Variants in SNCAIP observed in about 807,000 individuals in gnomAD.
SNCAIP encodes synuclein alpha interacting protein.
A neutral mutation model predicts 86.7 loss-of-function variants in SNCAIP; 43 were observed. That is an observed-to-expected ratio of 0.50 (90% CI 0.39 to 0.64). SNCAIP has a LOEUF of 0.64. Ranked by LOEUF, SNCAIP falls within the 30% of genes least tolerant of loss-of-function variation. The probability of loss-of-function intolerance (pLI) is 0.00; values close to 1 mark genes in which losing one functional copy is unlikely to be tolerated. For missense variants in SNCAIP, 981 were observed against 1,103.1 expected, an observed-to-expected ratio of 0.89 and a Z score of 1.57; for synonymous variants, 417 against 427.2, an observed-to-expected ratio of 0.98 and a Z score of 0.29.
intron 1 of SNCAIP, among the ~76,000 whole-genome samples, chr5:122,382,633 T>G (rs909634213): frequency 6.6e-6 from 1 of 152,136 alleles, no homozygotes; most frequent in African/African-American, 2.4e-5. Context: ...GTTTTAGAGT[T>G]TCCAGTTTTT....
chr5:122,377,712 C>G (rs1004950920), intron 1 of SNCAIP, among the ~76,000 whole-genome samples: 32 of 136,754 alleles, frequency 2.3e-4, no homozygotes, highest in African/African-American at 7.1e-4. Context: ...ACAACAGTCC[C>G]CAGAGTGTGA....
intron 1 of SNCAIP, among the ~76,000 whole-genome samples, chr5:122,377,768 C>T (rs1580810689): frequency 6.8e-6 from 1 of 146,252 alleles, no homozygotes; most frequent in South Asian, 2.2e-4. Flanking sequence ...CAATTCCCAC[C>T]TATGAGTGAG....
chr5:122,347,265 T>C (rs1225926247), intron 1 of SNCAIP, among the ~76,000 whole-genome samples: 3 of 152,148 alleles, frequency 2.0e-5, no homozygotes, highest in East Asian at 3.8e-4. Context: ...GGAAGGTCTA[T>C]GTGAGAAACA....
chr5:122,362,185 G>T (rs954019854), intron 1 of SNCAIP, among the ~76,000 whole-genome samples: 7 of 152,178 alleles, frequency 4.6e-5, no homozygotes, highest in African/African-American at 1.7e-4. Context: ...GATTTTGCTT[G>T]TATTATCTTA....
At chr5:122,405,204 T>C (rs1772708989) in intron 3 of SNCAIP, among the ~76,000 whole-genome samples, 1 of 152,214 alleles carries the variant, frequency 6.6e-6, no homozygotes, top group Non-Finnish European at 1.5e-5. Context: ...CAGGCACTTA[T>C]CAGCTAAATG....
intron 1 of SNCAIP, among the ~76,000 whole-genome samples, chr5:122,340,558 C>A (rs1277106466): frequency 2.0e-5 from 3 of 152,184 alleles, no homozygotes. Context: ...AGGTAAAAAA[C>A]CATTGAGTAG....
At position 122,391,072 on chromosome 5, in the gene SNCAIP, G is replaced by A; in HGVS notation, c.-46-17G>A. ...CTAAATTTTTTTGCCTTTCTTTTCT[G>A]CTTCTGTCTCGTTCAGGAATTTATA... On this transcript the variant is annotated splice_polypyrimidine_tract_variant and intron_variant, in intron 1 of 10. Coordinates refer to ENST00000261368, the MANE Select transcript of SNCAIP (RefSeq NM_005460.4). The A allele has an allele frequency of 7.1e-7, 1 of 1,401,510 alleles. No homozygotes were observed. Among genetic ancestry groups the A allele is most frequent in the Non-Finnish European group, 1.0e-6 (1 of 987,054 alleles). The allele number at this position is 1,401,510 out of a possible 1,614,324, so 86.8% of individuals were successfully genotyped here. A position where few individuals can be genotyped will look rare whatever the true frequency, so the allele number is the denominator to read the frequency against.
chr5:122,447,772 G>A (rs1782641164), intron 8 of SNCAIP, among the ~76,000 whole-genome samples: 1 of 152,214 alleles, frequency 6.6e-6, no homozygotes, highest in South Asian at 2.1e-4. Flanking sequence ...CTGGAACACA[G>A]CCACACACAT....
chr5:122,345,456 A>G (rs1758414861), intron 1 of SNCAIP, among the ~76,000 whole-genome samples: 1 of 152,150 alleles, frequency 6.6e-6, no homozygotes, highest in Non-Finnish European at 1.5e-5. Flanking sequence ...ATTACAGATT[A>G]CTTAAAGAAA....
At chr5:122,404,811 A>G (rs1025953472) in intron 3 of SNCAIP, among the ~76,000 whole-genome samples, 2 of 152,130 alleles carry the variant, frequency 1.3e-5, no homozygotes, top group African/African-American at 4.8e-5. Context: ...TTTCCTCTGG[A>G]CTGTTTGTTT....
At chr5:122,415,031 T>C (rs1037196542) in intron 3 of SNCAIP, among the ~76,000 whole-genome samples, 1 of 152,230 alleles carries the variant, frequency 6.6e-6, no homozygotes, top group African/African-American at 2.4e-5. Context: ...ATAAGAAATA[T>C]TGCTTTGTGG....
chr5:122,327,283 GA>G (rs1754300227), intron 1 of SNCAIP, among the ~76,000 whole-genome samples: 1 of 152,060 alleles, frequency 6.6e-6, no homozygotes, highest in Non-Finnish European at 1.5e-5. Flanking sequence ...TTATACCCAA[GA>G]ACCTTCCTTG....
At chr5:122,384,868 C>G (rs971739102) in intron 1 of SNCAIP, among the ~76,000 whole-genome samples, 5 of 152,172 alleles carry the variant, frequency 3.3e-5, no homozygotes. Context: ...CCCTGTTTAT[C>G]ACCCCACCCT....
chr5:122,357,416 A>G (rs1303014117), intron 1 of SNCAIP, among the ~76,000 whole-genome samples: 1 of 151,778 alleles, frequency 6.6e-6, no homozygotes, highest in African/African-American at 2.4e-5. Context: ...TTGTATTTTT[A>G]GTAGAGACAG....
chr5:122,431,259 G>A (rs892593063), intron 5 of SNCAIP, among the ~76,000 whole-genome samples: 1 of 151,972 alleles, frequency 6.6e-6, no homozygotes, highest in Admixed American at 6.6e-5. Context: ...GTTATTTACC[G>A]AGGAGAAATA....
chr5:122,450,398 A>C lies in SNCAIP; in HGVS notation c.1686-135A>C, dbSNP rs76489667. On this transcript the variant is annotated intron_variant, in intron 9 of 10. Coordinates refer to ENST00000261368, the MANE Select transcript of SNCAIP (RefSeq NM_005460.4). ...ATGGAGTATTTGCACATTGTTTCGA[A>C]AAGAAATTATGTACTTATCTGTATT... is the stretch of plus-strand genomic sequence containing the variant. 2,187 of 768,996 alleles carry C rather than the reference A, an allele frequency of 2.8e-3. 55 individuals are homozygous for C. In the East Asian group the frequency reaches 0.044, roughly 16 times the overall value. 47.6% of individuals were successfully genotyped at this position (768,996 alleles called of 1,614,324 possible).
chr5:122,440,803 TA>T, intron 7 of SNCAIP, 49 bp downstream of exon 7: 1 of 1,541,650 alleles, frequency 6.5e-7, no homozygotes, highest in Non-Finnish European at 9.0e-7. Context: ...TATCAAATAT[TA>T]AACAAAACAT....
chr5:122,355,163 A>G (rs1402663745), intron 1 of SNCAIP, among the ~76,000 whole-genome samples: 1 of 152,244 alleles, frequency 6.6e-6, no homozygotes, highest in African/African-American at 2.4e-5. Context: ...TCCACAGGTC[A>G]TATAAACAAA....
chr5:122,322,318 C>T (rs1257321418), intron 1 of SNCAIP, among the ~76,000 whole-genome samples: 1 of 152,186 alleles, frequency 6.6e-6, no homozygotes, highest in Non-Finnish European at 1.5e-5. Flanking sequence ...TTCATATAAC[C>T]CAACCTAAAA....
Sources: gnomAD v4.1 joint callset for allele counts (sites outside exome capture counted in the v4.1 genomes callset) on GRCh38, gnomAD v4.1.1 for gene constraint, MANE v1.5 for transcripts, NCBI Gene and HGNC (gene_info 2026-07-23, HGNC 2026-07-21) for gene names.